CTNND2: variants seen among roughly 807,000 people sequenced by gnomAD.
CTNND2 encodes catenin delta 2.
In CTNND2, 22 loss-of-function variants were observed where a neutral mutation model predicts 144.4. That is an observed-to-expected ratio of 0.15 (90% CI 0.11 to 0.22). CTNND2 has a LOEUF of 0.22. Among genes scored for constraint, CTNND2 ranks in the 10% least tolerant of loss-of-function variants. The probability of loss-of-function intolerance (pLI) is 1.00; values close to 1 mark genes in which losing one functional copy is unlikely to be tolerated. For missense variants in CTNND2, 1,353 were observed against 1,618.8 expected (o/e 0.84, Z 2.82); for synonymous variants, 751 against 695.6 (o/e 1.08, Z -1.25).
chr5:11,355,026 T>C (rs1755714659), intron 8 of CTNND2, among the ~76,000 whole-genome samples: 1 of 152,018 alleles, frequency 6.6e-6, no homozygotes, highest in South Asian at 2.1e-4. Flanking sequence ...AACGGCAAAT[T>C]AAAAATTTCC....
intron 10 of CTNND2, among the ~76,000 whole-genome samples, chr5:11,223,189 G>A (rs1275818697): frequency 2.0e-5 from 3 of 152,182 alleles, no homozygotes; most frequent in Admixed American, 2.0e-4. Context: ...CCATGCTCCT[G>A]CAGGAACACG....
chr5:11,124,140 C>T (rs1231252512), intron 12 of CTNND2, among the ~76,000 whole-genome samples: 2 of 152,072 alleles, frequency 1.3e-5, no homozygotes, highest in Non-Finnish European at 1.5e-5. Context: ...ACACAGGCAC[C>T]CCCAGTAACA....
chr5:11,351,846 GTAAT>G (rs2149749002), intron 8 of CTNND2, among the ~76,000 whole-genome samples: 1 of 152,214 alleles, frequency 6.6e-6, no homozygotes, highest in East Asian at 1.9e-4. Flanking sequence ...ATATAATAAA[GTAAT>G]TAAAGAATGT....
intron 5 of CTNND2, among the ~76,000 whole-genome samples, chr5:11,408,729 C>G (rs766565167): frequency 7.2e-5 from 11 of 152,022 alleles, no homozygotes; most frequent in Middle Eastern, 6.8e-3. Context: ...TATTATAAAC[C>G]ATTTGTAGGT....
chr5:11,536,081 A>T (rs997853405), intron 3 of CTNND2, among the ~76,000 whole-genome samples: 1 of 152,078 alleles, frequency 6.6e-6, no homozygotes, highest in Admixed American at 6.6e-5. Context: ...TTGATTTTTT[A>T]GTGACAAATT....
intron 18 of CTNND2, among the ~76,000 whole-genome samples, chr5:11,006,707 C>T (rs1326278452): frequency 6.6e-6 from 1 of 152,114 alleles, no homozygotes; most frequent in Non-Finnish European, 1.5e-5. Flanking sequence ...AAGAAAGGCA[C>T]CATGAATGAA....
At chr5:11,752,010 C>A (rs1312420748) in intron 1 of CTNND2, among the ~76,000 whole-genome samples, 1 of 151,438 alleles carries the variant, frequency 6.6e-6, no homozygotes, top group East Asian at 1.9e-4. Flanking sequence ...GCACAGTCTT[C>A]TTTTGAAAAG....
In CTNND2 at chr5:11,279,699, G is replaced by T. The variant is rs185907900; in HGVS notation, c.1629-42876C>A. On this transcript the variant is annotated intron_variant, in intron 9 of 21. Transcript: ENST00000304623. Reference sequence around the variant, plus strand: ...AGAGGTTTAACTGGCTCGTGGTTCTGCAGGCTGTACAGGAAGCATGGTGGC... The same window carrying T: ...AGAGGTTTAACTGGCTCGTGGTTCTTCAGGCTGTACAGGAAGCATGGTGGC... Among the ~76,000 whole-genome samples the T allele has an allele frequency of 6.0e-4, 91 of 152,314 alleles. No homozygotes were observed. The Middle Eastern group carries it at 0.017, about 28-fold the overall frequency.
chr5:11,243,127 A>G (rs1742632263), intron 9 of CTNND2, among the ~76,000 whole-genome samples: 1 of 152,256 alleles, frequency 6.6e-6, no homozygotes, highest in African/African-American at 2.4e-5. Context: ...AAGAACTCTT[A>G]GTGTAAAGGG....
chr5:11,236,203 G>C (rs965176536), intron 10 of CTNND2, among the ~76,000 whole-genome samples: 3 of 152,188 alleles, frequency 2.0e-5, no homozygotes, highest in African/African-American at 7.2e-5. Context: ...TTTGTAAATA[G>C]CACCAAACAC....
intron 18 of CTNND2, among the ~76,000 whole-genome samples, chr5:11,015,403 A>G (rs1741503703): frequency 6.6e-6 from 1 of 152,252 alleles, no homozygotes; most frequent in African/African-American, 2.4e-5. Context: ...TTTTTAAATC[A>G]TGGGTCCACT....
At chr5:11,529,025 A>T (rs2150051880) in intron 3 of CTNND2, among the ~76,000 whole-genome samples, 1 of 152,332 alleles carries the variant, frequency 6.6e-6, no homozygotes, top group African/African-American at 2.4e-5. Flanking sequence ...GAACCCCAGG[A>T]TCACAGTGTG....
At chr5:11,691,104 G>T (rs532683773) in intron 2 of CTNND2, among the ~76,000 whole-genome samples, 1 of 152,188 alleles carries the variant, frequency 6.6e-6, no homozygotes, top group Non-Finnish European at 1.5e-5. Flanking sequence ...GGGCGCGGTG[G>T]CTCACACCTG....
In CTNND2 at chr5:11,725,761, C is replaced by A. The variant is rs1786982444; in HGVS notation, c.174+6375G>T. Among the ~76,000 whole-genome samples the A allele has an allele frequency of 2.0e-5, 3 of 152,184 alleles. No individual in the cohort carries two copies. In the Middle Eastern group the frequency reaches 0.01, roughly 518 times the overall value. ...ACATTTTATAGAAATACATGTTTTA[C>A]AAAAATATGTAAATTAAAGGAATTT... is the stretch of plus-strand genomic sequence containing the variant. On this transcript the variant is annotated intron_variant, in intron 2 of 21. Transcript: ENST00000304623.
intron 3 of CTNND2, among the ~76,000 whole-genome samples, chr5:11,550,995 C>T (rs552593465): frequency 5.0e-4 from 76 of 152,272 alleles, no homozygotes; most frequent in Middle Eastern, 3.4e-3. Context: ...GCCCTCGTTA[C>T]CTTGGGTGAA....
At chr5:11,587,987 T>C (rs1778984389) in intron 2 of CTNND2, among the ~76,000 whole-genome samples, 1 of 152,108 alleles carries the variant, frequency 6.6e-6, no homozygotes, top group Admixed American at 6.5e-5. Flanking sequence ...TGGGCAACAA[T>C]TTTCTCAATG....
At chr5:11,722,822 T>C (rs933291689) in intron 2 of CTNND2, among the ~76,000 whole-genome samples, 1 of 152,194 alleles carries the variant, frequency 6.6e-6, no homozygotes, top group Admixed American at 6.5e-5. Context: ...CAATTTGAGA[T>C]GACATTTCGG....
chr5:11,382,457 G>T lies in CTNND2; in HGVS notation c.1177+2208C>A, dbSNP rs114632675. ...CTACAAAATATACAAAAATTAGCCA[G>T]GCGTGGGGGCAGGTGACTGTAATCC... On this transcript the variant is annotated intron_variant, in intron 7 of 21. Transcript: ENST00000304623. Among the ~76,000 whole-genome samples, 966 of 152,264 alleles carry T rather than the reference G, an allele frequency of 6.3e-3. 8 individuals are homozygous for T. The highest frequency in any genetic ancestry group is 0.014 in the Middle Eastern group (4 of 294).
At chr5:11,340,411 G>A (rs1413749261) in intron 9 of CTNND2, among the ~76,000 whole-genome samples, 2 of 152,166 alleles carry the variant, frequency 1.3e-5, no homozygotes. Context: ...GCCTTCAGAT[G>A]GATTCAGAGG....
Sources: allele counts gnomAD v4.1 joint callset (sites outside exome capture counted in the v4.1 genomes callset), GRCh38; gene constraint gnomAD v4.1.1; transcripts MANE v1.5; gene names NCBI Gene and HGNC (gene_info 2026-07-23, HGNC 2026-07-21).